ATXN1: variants seen among roughly 807,000 people sequenced by gnomAD.
ATXN1 encodes the protein ataxin 1.
Under a neutral mutation model 56.4 loss-of-function variants are expected in ATXN1, and 8 were observed. That is an observed-to-expected ratio of 0.14 (90% CI 0.08 to 0.26). The LOEUF (loss-of-function observed/expected upper bound fraction) is 0.26. ATXN1 is among the 10% of genes least tolerant of loss of function. The probability of loss-of-function intolerance (pLI) is 1.00; values close to 1 mark genes in which losing one functional copy is unlikely to be tolerated. For missense variants in ATXN1, 987 were observed against 1,106.5 expected (o/e 0.89, Z 1.53); for synonymous variants, 514 against 494.6 (o/e 1.04, Z -0.52).
At chr6:16,399,709 T>C (rs1758529258) in intron 6 of ATXN1, among the ~76,000 whole-genome samples, 1 of 152,162 alleles carries the variant, frequency 6.6e-6, no homozygotes. Context: ...TGCCGGGTGC[T>C]ACCAGCATCC....
chr6:16,632,577 CG>C (rs1173530901), intron 3 of ATXN1, among the ~76,000 whole-genome samples: 1 of 151,988 alleles, frequency 6.6e-6, no homozygotes. Context: ...CACTGGGATG[CG>C]GGGTTGGGGG....
intron 4 of ATXN1, among the ~76,000 whole-genome samples, chr6:16,523,623 C>G (rs904338611): frequency 6.6e-6 from 1 of 152,130 alleles, no homozygotes; most frequent in Non-Finnish European, 1.5e-5. Flanking sequence ...TTGCTCTTTC[C>G]CAAAATGGTA....
chr6:16,606,221 C>A (rs756806804), intron 3 of ATXN1, among the ~76,000 whole-genome samples: 27 of 152,146 alleles, frequency 1.8e-4, no homozygotes, highest in Non-Finnish European at 3.5e-4. Flanking sequence ...ATATTTAGAA[C>A]ACCTAGCACA....
intron 7 of ATXN1, among the ~76,000 whole-genome samples, chr6:16,308,304 C>T (rs369094324): frequency 2.8e-5 from 4 of 144,762 alleles, no homozygotes; most frequent in East Asian, 2.4e-4. Flanking sequence ...CCAGCCTGGG[C>T]GACAGAGTGA....
At chr6:16,416,244 A>T (rs1301871338) in intron 6 of ATXN1, among the ~76,000 whole-genome samples, 2 of 152,244 alleles carry the variant, frequency 1.3e-5, no homozygotes, top group African/African-American at 4.8e-5. Flanking sequence ...TGTATACTTG[A>T]AGTAATGCAA....
intron 3 of ATXN1, chr6:16,651,953 G>A (rs1763902242): frequency 6.6e-6 from 1 of 152,188 alleles, no homozygotes; most frequent in Admixed American, 6.5e-5. Flanking sequence ...TCCCTTCAAA[G>A]CTCTCAAATT....
intron 3 of ATXN1, among the ~76,000 whole-genome samples, chr6:16,627,962 A>C (rs1763436661): frequency 6.6e-6 from 1 of 152,236 alleles, no homozygotes; most frequent in African/African-American, 2.4e-5. Flanking sequence ...ATTCTGATCA[A>C]AGATGTTAAT....
intron 4 of ATXN1, among the ~76,000 whole-genome samples, chr6:16,534,531 G>C (rs1761562662): frequency 6.6e-6 from 1 of 151,602 alleles, no homozygotes; most frequent in Non-Finnish European, 1.5e-5. Context: ...GACTTCTGTA[G>C]TGTAAACACT....
Position 16,367,362 on chromosome 6 carries a change from T to TCTCTCA in ATXN1, c.-160-38893_-160-38892insTGAGAG, listed in dbSNP as rs1444133579. ...CTCTCTCTCTCTCTCTCTCTCTCTC[T>TCTCTCA]CACACACACACACACACACACACAT... On this transcript the variant is annotated intron_variant, in intron 6 of 7. Coordinates refer to ENST00000436367, the MANE Select transcript of ATXN1 (RefSeq NM_001128164.2). Among the ~76,000 whole-genome samples, 29 of 144,546 alleles carry TCTCTCA rather than the reference T, an allele frequency of 2.0e-4. No homozygotes were observed. In the East Asian group the frequency reaches 4.6e-3, roughly 23 times the overall value. The allele number at this position is 144,546 out of a possible 152,430, so 94.8% of individuals were successfully genotyped here. A position where few individuals can be genotyped will look rare whatever the true frequency, so the allele number is the denominator to read the frequency against.
rs1034519980 is a variant in ATXN1, at chr6:16,496,022, C to T, written c.-298-9913G>A. Among the ~76,000 whole-genome samples the T allele has an allele frequency of 3.4e-4, 52 of 152,168 alleles. 1 individual carries two copies. The highest frequency in any genetic ancestry group is 3.1e-4 in the Non-Finnish European group (21 of 68,040). On this transcript the variant is annotated intron_variant, in intron 5 of 7. Transcript: ENST00000436367. ...CACAGAACTTTCCATAATAATATTA[C>T]GTCAACAGCACTCATTTTCTTTTTG... is the stretch of plus-strand genomic sequence containing the variant.
At chr6:16,755,737 T>C (rs775301235) in intron 1 of ATXN1, among the ~76,000 whole-genome samples, 21 of 149,906 alleles carry the variant, frequency 1.4e-4, no homozygotes, top group Admixed American at 6.7e-5. Flanking sequence ...AAAAAAAGAG[T>C]TCCTCTTAGC....
At chr6:16,592,163 G>A (rs1022951631) in intron 3 of ATXN1, among the ~76,000 whole-genome samples, 4 of 152,066 alleles carry the variant, frequency 2.6e-5, no homozygotes, top group Admixed American at 6.6e-5. Flanking sequence ...ACGACTCCCG[G>A]GAGAGCTCTG....
At chr6:16,582,584 T>C (rs1762549223) in intron 4 of ATXN1, among the ~76,000 whole-genome samples, 1 of 152,176 alleles carries the variant, frequency 6.6e-6, no homozygotes. Flanking sequence ...GTCTTGCAGA[T>C]AGGTCTTGTA....
intron 6 of ATXN1, among the ~76,000 whole-genome samples, chr6:16,475,411 T>A (rs550561848): frequency 6.6e-6 from 1 of 152,210 alleles, no homozygotes; most frequent in Non-Finnish European, 1.5e-5. Flanking sequence ...ATAGATTTTG[T>A]TGTGTGAAAT....
At chr6:16,546,865 T>C (rs1205189103) in intron 4 of ATXN1, among the ~76,000 whole-genome samples, 1 of 152,252 alleles carries the variant, frequency 6.6e-6, no homozygotes, top group African/African-American at 2.4e-5. Flanking sequence ...ACGACAAGTT[T>C]ATTTATTTTT....
intron 6 of ATXN1, among the ~76,000 whole-genome samples, chr6:16,417,546 G>C (rs1295475692): frequency 1.3e-5 from 2 of 150,704 alleles, no homozygotes; most frequent in Non-Finnish European, 1.5e-5. Context: ...TCAAGCGATT[G>C]TCCTGCCTCA....
chr6:16,351,437 C>T (rs145677317), intron 6 of ATXN1, among the ~76,000 whole-genome samples: 162 of 148,300 alleles, frequency 1.1e-3, no homozygotes, highest in African/African-American at 3.9e-3. Flanking sequence ...AGGTCTCACT[C>T]TGTCATACAG....
At position 16,326,856 on chromosome 6, in the gene ATXN1, G is replaced by A. The variant is rs374911543; in HGVS notation, c.1455C>T (p.Pro485=). ...CCGGGATGAGCAGGGGCTGTGTGCC[G>A]GGGATCACCAGGTGCTGGGGCAGGC... ...AGSLPQHLVI[P]GTQPLLIPVG... The change falls in exon 7 of 8, where the codon CCC becomes CCT. Residue 485 remains proline, a synonymous_variant. Transcript: ENST00000436367. This position sits in a 1 kb window ranked among gnomAD's most constrained non-coding sequence, Gnocchi z 6.6. The A allele has an allele frequency of 2.8e-5, 45 of 1,609,520 alleles. No homozygotes were observed. The highest frequency in any genetic ancestry group is 1.1e-4 in the African/African-American group (8 of 74,872).
chr6:16,630,955 T>A (rs1763492999), intron 3 of ATXN1, among the ~76,000 whole-genome samples: 1 of 152,240 alleles, frequency 6.6e-6, no homozygotes, highest in African/African-American at 2.4e-5. Context: ...ATTTCAGGGA[T>A]GTCTCTTTGT....
Sources: gnomAD v4.1 joint callset for allele counts (sites outside exome capture counted in the v4.1 genomes callset) on GRCh38, gnomAD v4.1.1 for gene constraint, Gnocchi (gnomAD v3.1) non-coding constraint, MANE v1.5 for transcripts, NCBI Gene and HGNC (gene_info 2026-07-23, HGNC 2026-07-21) for gene names.